NTRK1: variants seen among roughly 807,000 people sequenced by gnomAD.
The protein encoded by NTRK1 is high affinity nerve growth factor receptor.
NTRK1 carries 62 observed loss-of-function variants against 86.8 expected under a neutral mutation model. That is an observed-to-expected ratio of 0.71 (90% CI 0.58 to 0.88). The LOEUF (loss-of-function observed/expected upper bound fraction) is 0.88. Among genes scored for constraint, NTRK1 ranks in the 40% least tolerant of loss-of-function variants. The probability of loss-of-function intolerance (pLI) is 0.00; values close to 1 mark genes in which losing one functional copy is unlikely to be tolerated. For synonymous variants in NTRK1, 469 were observed against 456.6 expected (o/e 1.03, Z -0.35); for missense variants, 967 against 1,078.4 (o/e 0.90, Z 1.45).
chr1:156,822,796 T>G (rs1185485258), intron 1 of NTRK1, among the ~76,000 whole-genome samples: 3 of 125,100 alleles, frequency 2.4e-5, no homozygotes, highest in Admixed American at 7.7e-5. Context: ...GATCCCTAGT[T>G]GCCCTGTCCT....
At position 156,842,394 on chromosome 1, in the gene NTRK1, C is replaced by T. The variant is rs754786191; in HGVS notation, c.50+201C>T. On this transcript the variant is annotated intron_variant, in intron 2 of 16. Transcript: ENST00000392302. ...TCACTCCCCAGGGTCTTCCTGGTCC[C>T]TACCTCTGCCTCAGGCCGCAAAGAT... 2.2e-5 allele frequency: 35 copies of T among 1,613,660 alleles called. No individual in the cohort carries two copies. The South Asian group carries it at 3.6e-4, about 17-fold the overall frequency.
At chr1:156,870,252 CA>C (rs1647474610) in intron 6 of NTRK1, among the ~76,000 whole-genome samples, 2 of 152,292 alleles carry the variant, frequency 1.3e-5, no homozygotes, top group Middle Eastern at 3.4e-3. Context: ...ACTACCTATA[CA>C]AAAGTCACTC....
chr1:156,849,017 T>C (rs146890895), intron 2 of NTRK1: 15 of 1,613,464 alleles, frequency 9.3e-6, no homozygotes, highest in Non-Finnish European at 1.2e-5. Flanking sequence ...CTCCGTCACG[T>C]TGGACACGAA....
intron 6 of NTRK1, among the ~76,000 whole-genome samples, chr1:156,869,443 C>T (rs138506453): frequency 6.6e-5 from 10 of 151,936 alleles, no homozygotes; most frequent in African/African-American, 2.2e-4. Flanking sequence ...GTACTGCATC[C>T]GGGATGAGTT....
At chr1:156,876,824 T>C (rs752984717) in intron 14 of NTRK1, among the ~76,000 whole-genome samples, 27 of 151,822 alleles carry the variant, frequency 1.8e-4, no homozygotes, top group Non-Finnish European at 3.7e-4. Context: ...AGCTAAAACT[T>C]TGGGGTGGGT....
chr1:156,819,853 C>T lies in NTRK1; in HGVS notation c.-64+4015C>T, dbSNP rs542634802. ...TTTTCTTCCTGATTTGTTTGAGTTCCTTGAGATTCTGGGCACTGGGTGTTG... is the reference window on the plus strand; with the variant it reads ...TTTTCTTCCTGATTTGTTTGAGTTCTTTGAGATTCTGGGCACTGGGTGTTG... On this transcript the variant is annotated intron_variant, in intron 1 of 16. Coordinates refer to the NTRK1 transcript ENST00000392302. Among the ~76,000 whole-genome samples, 85 of 152,196 alleles carry T rather than the reference C, an allele frequency of 5.6e-4. 1 individual carries two copies. In the South Asian group the frequency reaches 0.017, roughly 31 times the overall value.
chr1:156,827,346 C>T (rs1011129087), intron 1 of NTRK1, among the ~76,000 whole-genome samples: 9 of 151,894 alleles, frequency 5.9e-5, no homozygotes, highest in Non-Finnish European at 1.2e-4. Context: ...ACTGTAACCT[C>T]CACCTCCCAG....
Position 156,876,148 on chromosome 1 carries a change from G to A in NTRK1, c.1570G>A (p.Val524Ile). The change falls in exon 13 of 17, where the codon GTC becomes ATC. Residue 524 changes from valine (V) to isoleucine (I), a missense_variant. Coordinates refer to ENST00000524377, the MANE Select transcript of NTRK1 (RefSeq NM_002529.4). ...WELGEGAFGK[V>I]FLAECHNLLP... ...GCTGGGGGAGGGCGCCTTTGGGAAG[G>A]TCTTCCTTGCTGAGTGCCACAACCT... The A allele has an allele frequency of 6.2e-7, 1 of 1,614,174 alleles. No homozygotes were observed. Among genetic ancestry groups the A allele is most frequent in the Non-Finnish European group, 8.5e-7 (1 of 1,180,024 alleles).
Position 156,840,790 on chromosome 1 carries a change from G to A in NTRK1, c.-63-1291G>A, listed in dbSNP as rs867185775. ...TCCCTTGCCCTGAGTTGGGGTGGGG[G>A]TGAACATTCAGGCGTCTCAGCCACA... On this transcript the variant is annotated intron_variant, in intron 1 of 16. Transcript: ENST00000392302. 293 of 1,067,470 alleles carry A rather than the reference G, an allele frequency of 2.7e-4. 1 individual carries two copies. Among genetic ancestry groups the A allele is most frequent in the Middle Eastern group, 1.4e-3 (5 of 3,570 alleles). 66.1% of individuals were successfully genotyped at this position (1,067,470 alleles called of 1,614,324 possible). A position where few individuals can be genotyped will look rare whatever the true frequency, so the allele number is the denominator to read the frequency against.
rs1655243084 is a variant in NTRK1, at chr1:156,852,256, C to G, written c.50+10063C>G. The G allele has an allele frequency of 4.1e-6, 6 of 1,461,086 alleles. No homozygotes were observed. In the East Asian group the frequency reaches 1.4e-4, roughly 34 times the overall value. 90.5% of individuals were successfully genotyped at this position (1,461,086 alleles called of 1,614,324 possible). A position where few individuals can be genotyped will look rare whatever the true frequency, so the allele number is the denominator to read the frequency against. ...CTCAGTCCTGGCTGTCCTTCCAATG[C>G]TGGCCCCACCCTGTTTCTCTTGGGA... On this transcript the variant is annotated intron_variant, in intron 2 of 16. Coordinates refer to the NTRK1 transcript ENST00000392302.
intron 6 of NTRK1, among the ~76,000 whole-genome samples, chr1:156,869,604 T>G (rs1161637252): frequency 6.6e-6 from 1 of 152,230 alleles, no homozygotes; most frequent in African/African-American, 2.4e-5. Flanking sequence ...TCCCTTAATC[T>G]GCCTGCACTT....
intron 11 of NTRK1, among the ~76,000 whole-genome samples, 164 bp downstream of exon 11, chr1:156,875,172 G>A (rs1013381923): frequency 7.2e-5 from 11 of 152,084 alleles, no homozygotes; most frequent in Non-Finnish European, 7.4e-5. Flanking sequence ...GCTTGTGAGT[G>A]TGAGTGTGTG....
intron 1 of NTRK1, among the ~76,000 whole-genome samples, chr1:156,826,293 C>CTTTTTTTT (rs386368405): frequency 6.8e-5 from 6 of 88,450 alleles, no homozygotes; most frequent in Non-Finnish European, 1.1e-4. Context: ...GACTTGAGCT[C>CTTTTTTTT]TTTTTTTTTT....
At chr1:156,841,019 G>A (rs772255621) in intron 1 of NTRK1, 1 of 1,607,816 alleles carries the variant, frequency 6.2e-7, no homozygotes. Context: ...GAGGGCCGCA[G>A]CTCCTCCTGT....
In NTRK1 at chr1:156,845,466, C is replaced by T. The variant is rs1046118748; in HGVS notation, c.50+3273C>T. 22 of 1,521,080 alleles carry T rather than the reference C, an allele frequency of 1.4e-5. No homozygotes were observed. The African/African-American group carries it at 2.9e-4, about 20-fold the overall frequency. 94.2% of individuals were successfully genotyped at this position (1,521,080 alleles called of 1,614,324 possible). A position where few individuals can be genotyped will look rare whatever the true frequency, so the allele number is the denominator to read the frequency against. On this transcript the variant is annotated intron_variant, in intron 2 of 16. Coordinates refer to the NTRK1 transcript ENST00000392302. Reference sequence around the variant, plus strand: ...GGCCTGTCCGGATGCACCCCTGTGCCCTCTGCAGCGCGTACCGCCTCCAAA... The same window carrying T: ...GGCCTGTCCGGATGCACCCCTGTGCTCTCTGCAGCGCGTACCGCCTCCAAA...
upstream of NTRK1, among the ~76,000 whole-genome samples, chr1:156,856,468 A>G (rs1275773717): frequency 6.6e-6 from 1 of 152,196 alleles, no homozygotes; most frequent in Non-Finnish European, 1.5e-5. Context: ...TCAGCCTGAC[A>G]TTGTAGGGTG....
intron 1 of NTRK1, chr1:156,841,155 C>G (rs1456877791): frequency 7.2e-7 from 1 of 1,383,458 alleles, no homozygotes; most frequent in Admixed American, 2.0e-5. Flanking sequence ...CCCTGCCACG[C>G]TCTCAGCCTC....
chr1:156,830,995 T>TGAG (rs1309599243), intron 1 of NTRK1, among the ~76,000 whole-genome samples: 1 of 152,142 alleles, frequency 6.6e-6, no homozygotes, highest in African/African-American at 2.4e-5. Flanking sequence ...GGGCTGAGGG[T>TGAG]CAGACCTCAG....
chr1:156,859,486 T>A (rs1655531285), upstream of NTRK1, among the ~76,000 whole-genome samples: 1 of 152,160 alleles, frequency 6.6e-6, no homozygotes, highest in African/African-American at 2.4e-5. The surrounding 1 kb of genome is among the most constrained non-coding windows in gnomAD (Gnocchi z 6.2). Flanking sequence ...GGGTAACTTC[T>A]GGCAGCCTCG....
Sources: gnomAD v4.1 joint callset for allele counts (sites outside exome capture counted in the v4.1 genomes callset) on GRCh38, gnomAD v4.1.1 for gene constraint, Gnocchi (gnomAD v3.1) non-coding constraint, MANE v1.5 for transcripts, NCBI Gene and HGNC (gene_info 2026-07-23, HGNC 2026-07-21) for gene names.